Variants in PNLIPRP1 observed in about 807,000 individuals in gnomAD.
PNLIPRP1 encodes the protein pancreatic lipase related protein 1, also known as inactive pancreatic lipase-related protein 1.
In PNLIPRP1, 57 loss-of-function variants were observed where a neutral mutation model predicts 54.6. That is an observed-to-expected ratio of 1.04 (90% CI 0.84 to 1.30). PNLIPRP1 has a LOEUF of 1.30. PNLIPRP1 is among the 50% of genes most tolerant of loss of function. PNLIPRP1 has a pLI of 0.00. For missense variants in PNLIPRP1, 567 were observed against 568.5 expected (o/e 1.00, Z 0.03); for synonymous variants, 232 against 208.8 (o/e 1.11, Z -0.96).
intron 8 of PNLIPRP1, among the ~76,000 whole-genome samples, chr10:116,599,242 C>T (rs373932423): frequency 2.5e-5 from 2 of 81,222 alleles, no homozygotes; most frequent in African/African-American, 3.8e-5. Context: ...GCAACAAGAG[C>T]GAAACTCCAT....
intron 4 of PNLIPRP1, chr10:116,593,970 A>AAAAG (rs1564735613): frequency 1.3e-4 from 21 of 166,296 alleles, no homozygotes; most frequent in African/African-American, 2.3e-4. Flanking sequence ...AAAAAAAAAA[A>AAAAG]AAAGAAAGAA....
intron 1 of PNLIPRP1, 65 bp from the exon 2 acceptor site, chr10:116,591,065 G>A: frequency 2.3e-6 from 3 of 1,303,444 alleles, no homozygotes. Context: ...CTGAAGTCCA[G>A]GGCGTCGGTG....
In PNLIPRP1 at chr10:116,597,817, A is replaced by C. The variant is rs1554864150; in HGVS notation, c.575-11A>C. The C allele has an allele frequency of 1.2e-6, 2 of 1,614,110 alleles. No homozygotes were observed. Among genetic ancestry groups the C allele is most frequent in the Non-Finnish European group, 8.5e-7 (1 of 1,180,002 alleles). On this transcript the variant is annotated splice_polypyrimidine_tract_variant and intron_variant, in intron 6 of 12. Transcript: ENST00000358834. Reference sequence around the variant, plus strand: ...GGTCTATTGTTCTGCAGTGCTGATCATCTCTTTTAGGGTTGGATCCTGTAG... The same window carrying C: ...GGTCTATTGTTCTGCAGTGCTGATCCTCTCTTTTAGGGTTGGATCCTGTAG...
intron 2 of PNLIPRP1, 71 bp from the exon 3 acceptor site, chr10:116,591,700 C>A: frequency 6.7e-7 from 1 of 1,502,426 alleles, no homozygotes; most frequent in Non-Finnish European, 9.2e-7. Flanking sequence ...GTGACCAGGC[C>A]CGAACAGCAG....
chr10:116,605,462 A>G lies in PNLIPRP1; in HGVS notation c.1249A>G (p.Lys417Glu), dbSNP rs1182844944. 2.8e-5 allele frequency: 45 copies of G among 1,611,912 alleles called. No individual in the cohort carries two copies. The highest frequency in any genetic ancestry group is 3.8e-5 in the Non-Finnish European group (45 of 1,178,304). ...GGATGTTGGAACAATTGAGAAAGTC[A>G]AGTTTCTTTGGAATAACAATGTGAT... is the stretch of plus-strand genomic sequence containing the variant. ...KLDVGTIEKV[K>E]FLWNNNVINP... The change falls in exon 12 of 13, where the codon AAG (lysine) becomes GAG (glutamate). Residue 417 changes from lysine to glutamate, a missense_variant. Physicochemically the swap from Lys to Glu is moderately conservative, Grantham distance 56. Transcript: ENST00000358834.
chr10:116,591,326 G>A, intron 2 of PNLIPRP1, 148 bp downstream of exon 2: 2 of 652,430 alleles, frequency 3.1e-6, no homozygotes, highest in East Asian at 2.7e-5. Context: ...GGGAGAGTAG[G>A]CTGGGCAGTT....
chr10:116,600,507 A>G, intron 9 of PNLIPRP1: 1 of 228,056 alleles, frequency 4.4e-6, no homozygotes, highest in South Asian at 7.5e-5. Context: ...TGGCAAGGGC[A>G]GAGCGAGAGT....
chr10:116,594,846 G>T lies in PNLIPRP1; in HGVS notation c.447G>T (p.Gln149His). The T allele has an allele frequency of 1.9e-6, 3 of 1,613,982 alleles. No individual in the cohort carries two copies. The highest frequency in any genetic ancestry group is 2.5e-6 in the Non-Finnish European group (3 of 1,180,014). The change falls in exon 5 of 13, where the codon CAG becomes CAT. Residue 149 changes from glutamine (Q) to histidine (H), a missense_variant. Physicochemically the swap from Gln to His is conservative, Grantham distance 24. Transcript: ENST00000358834. ...NVRVVGAQVA[Q>H]MLDILLTEYS... Reference sequence around the variant, plus strand: ...GAGTGGTGGGCGCCCAGGTGGCCCAGATGCTCGACATCCTCTTGGTGAGTC... The same window carrying T: ...GAGTGGTGGGCGCCCAGGTGGCCCATATGCTCGACATCCTCTTGGTGAGTC...
chr10:116,598,515 T>C (rs1847776077), intron 8 of PNLIPRP1, among the ~76,000 whole-genome samples: 1 of 152,192 alleles, frequency 6.6e-6, no homozygotes, highest in Non-Finnish European at 1.5e-5. Context: ...TAAGAGACTT[T>C]TGCTACAAAT....
intron 6 of PNLIPRP1, among the ~76,000 whole-genome samples, chr10:116,597,233 T>C (rs1554864087): frequency 6.6e-6 from 1 of 152,246 alleles, no homozygotes; most frequent in Non-Finnish European, 1.5e-5. Context: ...TATTAATATC[T>C]TACTTATACA....
intron 10 of PNLIPRP1, among the ~76,000 whole-genome samples, chr10:116,602,573 G>A (rs1311687816): frequency 6.6e-6 from 1 of 152,240 alleles, no homozygotes; most frequent in Non-Finnish European, 1.5e-5. Context: ...CTACAAGCGT[G>A]TTGGGCTTGG....
chr10:116,595,154 T>C, intron 5 of PNLIPRP1: 1 of 364,720 alleles, frequency 2.7e-6, no homozygotes, highest in Non-Finnish European at 5.1e-6. Context: ...AGCAAATGAA[T>C]AGAAGACCTG....
At chr10:116,591,524 A>G (rs1390592804) in intron 2 of PNLIPRP1, among the ~76,000 whole-genome samples, 1 of 152,186 alleles carries the variant, frequency 6.6e-6, no homozygotes, top group African/African-American at 2.4e-5. Flanking sequence ...AGAACTTTCC[A>G]GTTTTGAGGG....
intron 12 of PNLIPRP1, among the ~76,000 whole-genome samples, chr10:116,606,381 G>A (rs1847937926): frequency 6.6e-6 from 1 of 152,164 alleles, no homozygotes; most frequent in South Asian, 2.1e-4. Flanking sequence ...AAAGAGGTTG[G>A]CCCTGCCAGG....
chr10:116,599,434 T>G (rs1378664090), intron 8 of PNLIPRP1, among the ~76,000 whole-genome samples: 3 of 152,148 alleles, frequency 2.0e-5, no homozygotes, highest in Non-Finnish European at 4.4e-5. Flanking sequence ...ATGTAACATT[T>G]GTCACTTGGC....
Position 116,601,194 on chromosome 10 carries a change from T to C in PNLIPRP1, c.1056T>C (p.Asn352=). 19 of 1,612,318 alleles carry C rather than the reference T, an allele frequency of 1.2e-5. No individual in the cohort carries two copies. The highest frequency in any genetic ancestry group is 1.6e-5 in the Non-Finnish European group (19 of 1,179,488). The change falls in exon 10 of 13, where the codon AAT becomes AAC. Residue 352 remains asparagine (N), a synonymous_variant. Transcript: ENST00000358834. ...TCTTGAACACAGGAGAGGCTAGCAATTTCGCTCGTAAGTTGCACTTTGACT... is the reference window on the plus strand; with the variant it reads ...TCTTGAACACAGGAGAGGCTAGCAACTTCGCTCGTAAGTTGCACTTTGACT... ...KFFLNTGEAS[N]FARWRYGVSI...
rs1297586792 is a variant in PNLIPRP1 at position 116,599,296 on chromosome 10, T to TAAAATAAAATAAAAA, written c.815-747_815-746insTAAAATAAAAAAAAA. Among the ~76,000 whole-genome samples, 373 of 133,844 alleles carry TAAAATAAAATAAAAA rather than the reference T, an allele frequency of 2.8e-3. 1 individual carries two copies. Among genetic ancestry groups the TAAAATAAAATAAAAA allele is most frequent in the African/African-American group, 9.0e-3 (352 of 39,148 alleles). The allele number at this position is 133,844 out of a possible 152,430, so 87.8% of individuals were successfully genotyped here. ...TAAAATAAAATAAAATAAAATAAAATAAAAAATAAAGAATGAGGACATATG... is the reference window on the plus strand; with the variant it reads ...TAAAATAAAATAAAATAAAATAAAATAAAATAAAATAAAAAAAAAAATAAAGAATGAGGACATATG... On this transcript the variant is annotated intron_variant, in intron 8 of 12. Coordinates refer to ENST00000358834, the MANE Select transcript of PNLIPRP1 (RefSeq NM_006229.4).
chr10:116,593,571 T>C (rs944483775), intron 4 of PNLIPRP1, among the ~76,000 whole-genome samples: 7 of 152,222 alleles, frequency 4.6e-5, no homozygotes, highest in African/African-American at 1.7e-4. Context: ...TCTTGGCACC[T>C]TTCCTGTCCT....
chr10:116,594,950 T>C (rs1847710051), intron 5 of PNLIPRP1, 86 bp downstream of exon 5: 2 of 1,476,170 alleles, frequency 1.4e-6, no homozygotes, highest in Non-Finnish European at 1.8e-6. Flanking sequence ...AGTTATGGAT[T>C]AAAGAAGGAC....
Sources: gnomAD v4.1 joint callset for allele counts (sites outside exome capture counted in the v4.1 genomes callset) on GRCh38, gnomAD v4.1.1 for gene constraint, MANE v1.5 for transcripts, NCBI Gene and HGNC (gene_info 2026-07-23, HGNC 2026-07-21) for gene names.